The following FHOD3 variants were observed in gnomAD, a reference collection of about 807,000 sequenced individuals.
The protein encoded by FHOD3 is formin homology 2 domain containing 3, also known as FH1/FH2 domain-containing protein 3.
A neutral mutation model predicts 173.0 loss-of-function variants in FHOD3; 90 were observed. That is an observed-to-expected ratio of 0.52 (90% CI 0.44 to 0.62). FHOD3 has a LOEUF of 0.62. Ranked by LOEUF, FHOD3 falls within the 20% of genes least tolerant of loss-of-function variation. The pLI, the probability that FHOD3 is intolerant of heterozygous loss-of-function variation, is 0.00. For missense variants in FHOD3, 1,945 were observed against 2,034.7 expected, an observed-to-expected ratio of 0.96 and a Z score of 0.85; for synonymous variants, 828 against 823.0, an observed-to-expected ratio of 1.01 and a Z score of -0.10.
intron 19 of FHOD3, among the ~76,000 whole-genome samples, chr18:36,723,369 G>A (rs550117425): frequency 6.6e-6 from 1 of 152,260 alleles, no homozygotes; most frequent in South Asian, 2.1e-4. Flanking sequence ...ATTTTAGGGT[G>A]TGTGTGTTGG....
intron 1 of FHOD3, among the ~76,000 whole-genome samples, chr18:36,352,338 A>G (rs1402430018): frequency 6.6e-6 from 1 of 152,214 alleles, no homozygotes; most frequent in East Asian, 1.9e-4. Context: ...TATATTAAAA[A>G]CAAAGGTTAT....
intron 5 of FHOD3, among the ~76,000 whole-genome samples, chr18:36,551,923 G>A (rs2147359382): frequency 6.6e-6 from 1 of 152,298 alleles, no homozygotes; most frequent in Middle Eastern, 3.4e-3. Flanking sequence ...TTTGAAGTCA[G>A]GTAGCGTGAT....
At chr18:36,335,447 A>T (rs542526827) in intron 1 of FHOD3, among the ~76,000 whole-genome samples, 2 of 151,352 alleles carry the variant, frequency 1.3e-5, no homozygotes, top group South Asian at 2.1e-4. Context: ...GTGAGCCGAG[A>T]TCGCGCCACT....
intron 4 of FHOD3, among the ~76,000 whole-genome samples, chr18:36,509,299 C>T (rs1326251787): frequency 2.0e-5 from 3 of 151,912 alleles, no homozygotes; most frequent in Admixed American, 6.6e-5. Flanking sequence ...TGGTGGCGGG[C>T]GCCTGTAGTC....
intron 19 of FHOD3, among the ~76,000 whole-genome samples, chr18:36,730,197 T>G (rs143974423): frequency 3.9e-5 from 6 of 152,282 alleles, no homozygotes; most frequent in Non-Finnish European, 8.8e-5. Flanking sequence ...CCAATGGTGC[T>G]GTATTCTCCT....
At chr18:36,761,807 A>G (rs910593274) in intron 27 of FHOD3, among the ~76,000 whole-genome samples, 1 of 151,988 alleles carries the variant, frequency 6.6e-6, no homozygotes, top group Non-Finnish European at 1.5e-5. Context: ...AGCACACACT[A>G]TGCGTGCAGC....
intron 3 of FHOD3, among the ~76,000 whole-genome samples, chr18:36,374,797 A>C (rs991947945): frequency 6.6e-6 from 1 of 152,228 alleles, no homozygotes; most frequent in Non-Finnish European, 1.5e-5. Context: ...ATGTTTTGCC[A>C]CAATAGCTGC....
intron 3 of FHOD3, among the ~76,000 whole-genome samples, chr18:36,458,231 A>G (rs1420667630): frequency 6.6e-6 from 1 of 152,216 alleles, no homozygotes; most frequent in African/African-American, 2.4e-5. Context: ...TGGTGAAGGA[A>G]GGAAGGAAGG....
At chr18:36,778,651 T>C (rs536383067) in intron 28 of FHOD3, 1 of 152,326 alleles carries the variant, frequency 6.6e-6, no homozygotes. Flanking sequence ...ATCCCTCCAG[T>C]TGCCAACTGC....
At chr18:36,300,413 G>A (rs1383229461) in intron 1 of FHOD3, among the ~76,000 whole-genome samples, 1 of 152,168 alleles carries the variant, frequency 6.6e-6, no homozygotes, top group East Asian at 1.9e-4. Context: ...AAGCCTTGAG[G>A]CAGAATTCCT....
chr18:36,337,169 C>G (rs1292764213), intron 1 of FHOD3, among the ~76,000 whole-genome samples: 1 of 116,226 alleles, frequency 8.6e-6, no homozygotes, highest in Non-Finnish European at 2.0e-5. Flanking sequence ...GAGACTCTGT[C>G]TCAAAAAAAA....
intron 3 of FHOD3, among the ~76,000 whole-genome samples, chr18:36,432,786 T>C (rs1164277746): frequency 6.6e-6 from 1 of 152,254 alleles, no homozygotes; most frequent in Non-Finnish European, 1.5e-5. Context: ...TGACTTTTGT[T>C]CACTGCTCTT....
chr18:36,584,233 A>C (rs180748924), intron 6 of FHOD3, among the ~76,000 whole-genome samples: 1 of 151,152 alleles, frequency 6.6e-6, no homozygotes, highest in African/African-American at 2.4e-5. Flanking sequence ...TGGATAGAAC[A>C]CTCTCCCTCC....
intron 28 of FHOD3, 50 bp downstream of exon 28, chr18:36,769,476 C>A: frequency 6.3e-7 from 1 of 1,582,960 alleles, no homozygotes; most frequent in East Asian, 2.3e-5. Flanking sequence ...GGGATCTGCC[C>A]TCCCATTCTA....
At chr18:36,593,775 G>A (rs1309284562) in intron 6 of FHOD3, among the ~76,000 whole-genome samples, 1 of 152,194 alleles carries the variant, frequency 6.6e-6, no homozygotes, top group Non-Finnish European at 1.5e-5. Context: ...TGTGCCAAGT[G>A]CCATTCCAGG....
Position 36,370,977 on chromosome 18 carries a change from G to T in FHOD3, c.273-1703G>T, listed in dbSNP as rs562260080. 7.2e-5 allele frequency among the ~76,000 whole-genome samples: 11 copies of T among 152,316 alleles called. No individual in the cohort carries two copies. In the South Asian group the frequency reaches 2.3e-3, roughly 32 times the overall value. On this transcript the variant is annotated intron_variant, in intron 2 of 28. Transcript: ENST00000590592. ...AGAGTTGAAGGAGTGTTCATGTCAG[G>T]ATTTTTGAGAGTGAGAGTTTTTTGT...
chr18:36,462,381 G>A (rs1000267436), intron 3 of FHOD3, among the ~76,000 whole-genome samples: 1 of 152,100 alleles, frequency 6.6e-6, no homozygotes, highest in Non-Finnish European at 1.5e-5. Context: ...GCCCAGGCTG[G>A]AGTGCAGTGG....
chr18:36,733,293 A>G (rs2149955696), intron 20 of FHOD3, among the ~76,000 whole-genome samples: 1 of 152,222 alleles, frequency 6.6e-6, no homozygotes, highest in African/African-American at 2.4e-5. Context: ...AATTTTTCCC[A>G]CCACCCTGAC....
chr18:36,535,841 G>T (rs984080812), intron 5 of FHOD3, among the ~76,000 whole-genome samples: 1 of 152,086 alleles, frequency 6.6e-6, no homozygotes, highest in Non-Finnish European at 1.5e-5. Context: ...TTCCTGTAGA[G>T]AGCCAAAAGG....
Sources: allele counts gnomAD v4.1 joint callset (sites outside exome capture counted in the v4.1 genomes callset), GRCh38; gene constraint gnomAD v4.1.1; transcripts MANE v1.5; gene names NCBI Gene and HGNC (gene_info 2026-07-23, HGNC 2026-07-21).